NRXN3: variants seen among roughly 807,000 people sequenced by gnomAD.
The protein encoded by NRXN3 is neurexin 3.
In NRXN3, 32 loss-of-function variants were observed where a neutral mutation model predicts 137.6. The observed-to-expected ratio is 0.23, with a 90% CI of 0.18 to 0.31. The LOEUF (loss-of-function observed/expected upper bound fraction) is 0.31, where lower values mean the gene tolerates loss of function less well. NRXN3 is among the 10% of genes least tolerant of loss of function. The probability of loss-of-function intolerance (pLI) is 1.00; values close to 1 mark genes in which losing one functional copy is unlikely to be tolerated. For synonymous variants in NRXN3, 798 were observed against 784.5 expected (o/e 1.02, Z -0.29); for missense variants, 1,574 against 2,062.5 (o/e 0.76, Z 4.59).
chr14:79,449,540 CTCTTA>C (rs1405107324), intron 15 of NRXN3, among the ~76,000 whole-genome samples: 2 of 152,140 alleles, frequency 1.3e-5, no homozygotes, highest in African/African-American at 4.8e-5. Flanking sequence ...ATTTTCACTT[CTCTTA>C]TCACTTCCTT....
At chr14:79,670,444 C>T (rs1036345755) in intron 17 of NRXN3, among the ~76,000 whole-genome samples, 4 of 152,028 alleles carry the variant, frequency 2.6e-5, no homozygotes, top group African/African-American at 4.8e-5. Context: ...AGAAGGTTCC[C>T]GCTGTCGAGA....
rs2096672234 is a variant in NRXN3 at position 78,550,060 on chromosome 14, A to C, written c.758-95060A>C. 3.0e-5 allele frequency among the ~76,000 whole-genome samples: 4 copies of C among 131,824 alleles called. No individual in the cohort carries two copies. In the Admixed American group the frequency reaches 3.3e-4, roughly 11 times the overall value. 86.5% of individuals were successfully genotyped at this position (131,824 alleles called of 152,430 possible). A position where few individuals can be genotyped will look rare whatever the true frequency, so the allele number is the denominator to read the frequency against. Reference sequence around the variant, plus strand: ...TTTTTTTTTTTTTTTTTGAGACAGGATCTCACTTTGTCACCCAGGTTGGAG... The same window carrying C: ...TTTTTTTTTTTTTTTTTGAGACAGGCTCTCACTTTGTCACCCAGGTTGGAG... On this transcript the variant is annotated intron_variant, in intron 4 of 20. Transcript: ENST00000335750.
chr14:78,788,064 A>G (rs1033259917), intron 8 of NRXN3, among the ~76,000 whole-genome samples: 2 of 152,160 alleles, frequency 1.3e-5, no homozygotes, highest in Non-Finnish European at 2.9e-5. Context: ...GTTTTTAAAT[A>G]TGGTTCAAGA....
chr14:78,224,784 G>A (rs1166262725), intron 1 of NRXN3, among the ~76,000 whole-genome samples: 3 of 98,324 alleles, frequency 3.1e-5, no homozygotes, highest in African/African-American at 7.2e-5. Flanking sequence ...TTTTGAGACG[G>A]AGTCTCGCTC....
chr14:78,333,291 A>G (rs1343450997), intron 4 of NRXN3, among the ~76,000 whole-genome samples: 1 of 152,226 alleles, frequency 6.6e-6, no homozygotes, highest in Non-Finnish European at 1.5e-5. Context: ...CTGTGAGGTC[A>G]GTACCTTGAG....
chr14:78,287,428 C>G (rs190308351), intron 3 of NRXN3, among the ~76,000 whole-genome samples: 31 of 152,324 alleles, frequency 2.0e-4, no homozygotes, highest in Middle Eastern at 6.8e-3. Flanking sequence ...ATGCATGTAT[C>G]CCCACTACCT....
At chr14:79,252,139 A>C (rs1051673310) in intron 15 of NRXN3, among the ~76,000 whole-genome samples, 26 of 152,170 alleles carry the variant, frequency 1.7e-4, no homozygotes, top group Non-Finnish European at 2.9e-4. Context: ...TTGTACTTAA[A>C]GTTCTTGTAC....
chr14:79,851,530 G>A (rs899521269), intron 20 of NRXN3, among the ~76,000 whole-genome samples: 7 of 151,952 alleles, frequency 4.6e-5, no homozygotes, highest in Non-Finnish European at 8.8e-5. Flanking sequence ...GTCCCATAGC[G>A]GGCAAAAGTT....
At chr14:78,613,810 A>G (rs1160447444) in intron 4 of NRXN3, among the ~76,000 whole-genome samples, 1 of 152,142 alleles carries the variant, frequency 6.6e-6, no homozygotes, top group South Asian at 2.1e-4. Context: ...TCAGGAGACC[A>G]GAATCTTTTA....
intron 15 of NRXN3, among the ~76,000 whole-genome samples, chr14:79,315,855 C>A (rs1283682135): frequency 6.6e-6 from 1 of 152,166 alleles, no homozygotes; most frequent in African/African-American, 2.4e-5. Context: ...CAATGCTACA[C>A]AAAGCTTTAT....
intron 19 of NRXN3, among the ~76,000 whole-genome samples, chr14:79,769,658 G>A (rs561462314): frequency 2.8e-4 from 42 of 151,990 alleles, no homozygotes; most frequent in African/African-American, 5.8e-4. Context: ...GATACCAGCC[G>A]CTGCAAAATC....
chr14:78,432,300 G>GTT (rs3037827), intron 4 of NRXN3, among the ~76,000 whole-genome samples: 25,987 of 142,342 alleles, frequency 0.18, 4,273 homozygotes, highest in African/African-American at 0.44. Context: ...CTGCACTCAG[G>GTT]TTTTTTTTTT....
chr14:79,543,579 A>G (rs919431310), intron 16 of NRXN3, among the ~76,000 whole-genome samples: 14 of 152,150 alleles, frequency 9.2e-5, no homozygotes, highest in African/African-American at 1.7e-4. Flanking sequence ...CATGAACTGG[A>G]GAGTCGGCTG....
intron 15 of NRXN3, among the ~76,000 whole-genome samples, chr14:79,227,237 G>A (rs1245981259): frequency 6.6e-6 from 1 of 152,098 alleles, no homozygotes; most frequent in African/African-American, 2.4e-5. Context: ...TCTAGACACT[G>A]GAAACAGACC....
At chr14:79,163,085 C>T (rs1257736593) in intron 15 of NRXN3, among the ~76,000 whole-genome samples, 1 of 151,840 alleles carries the variant, frequency 6.6e-6, no homozygotes, top group African/African-American at 2.4e-5. Context: ...ATGGGCTTCA[C>T]TTTGGGAGAA....
intron 1 of NRXN3, among the ~76,000 whole-genome samples, chr14:78,187,023 G>A (rs1394244736): frequency 6.6e-6 from 1 of 152,140 alleles, no homozygotes; most frequent in Non-Finnish European, 1.5e-5. Flanking sequence ...TTTTTTTGAA[G>A]TAGCCCTAAG....
rs530176351 is a variant in NRXN3, at chr14:78,627,958, C to T, written c.758-17162C>T. On this transcript the variant is annotated intron_variant, in intron 4 of 20. Coordinates refer to ENST00000335750, the MANE Select transcript of NRXN3 (RefSeq NM_001330195.2). ...AAGCCCTTGGAACTCATCCAAATAG[C>T]CTATGCAAAAATTCATGATGGAGTG... is the stretch of plus-strand genomic sequence containing the variant. 2.0e-5 allele frequency among the ~76,000 whole-genome samples: 3 copies of T among 152,138 alleles called. No individual in the cohort carries two copies. In the East Asian group the frequency reaches 5.8e-4, roughly 29 times the overall value.
intron 16 of NRXN3, among the ~76,000 whole-genome samples, chr14:79,592,857 A>C (rs980942657): frequency 6.6e-6 from 1 of 152,244 alleles, no homozygotes; most frequent in Non-Finnish European, 1.5e-5. Context: ...AAGAAGTTGA[A>C]GAATGCCTAG....
chr14:78,829,747 C>G (rs1473871987), intron 10 of NRXN3, among the ~76,000 whole-genome samples: 2 of 151,850 alleles, frequency 1.3e-5, no homozygotes, highest in Non-Finnish European at 2.9e-5. Context: ...AACACTAATC[C>G]AAAGAGAATT....
Sources: gnomAD v4.1 joint callset for allele counts (sites outside exome capture counted in the v4.1 genomes callset) on GRCh38, gnomAD v4.1.1 for gene constraint, MANE v1.5 for transcripts, NCBI Gene and HGNC (gene_info 2026-07-23, HGNC 2026-07-21) for gene names.